NRCAM: variants seen among roughly 807,000 people sequenced by gnomAD.
NRCAM encodes neuronal cell adhesion molecule, also known as NgCAM-related cell adhesion molecule.
NRCAM carries 83 observed loss-of-function variants against 156.5 expected under a neutral mutation model. The ratio of observed to expected loss-of-function variants is 0.53; its 90% CI spans 0.44 to 0.64. The LOEUF is 0.64. Ranked by LOEUF, NRCAM falls within the 30% of genes least tolerant of loss-of-function variation. NRCAM has a pLI of 0.00. For missense variants in NRCAM, 1,417 were observed against 1,597.3 expected, an observed-to-expected ratio of 0.89 and a Z score of 1.92; for synonymous variants, 538 against 563.9, an observed-to-expected ratio of 0.95 and a Z score of 0.65.
chr7:108,340,135 C>A (rs985575429), intron 2 of NRCAM, among the ~76,000 whole-genome samples: 1 of 152,164 alleles, frequency 6.6e-6, no homozygotes, highest in South Asian at 2.1e-4. Flanking sequence ...TACCTCCCTA[C>A]CCCGGCATCC....
chr7:108,258,743 C>T lies in NRCAM; in HGVS notation c.-106-18573G>A, dbSNP rs117296207. On this transcript the variant is annotated intron_variant, in intron 3 of 32. Coordinates refer to ENST00000379028, the MANE Select transcript of NRCAM (RefSeq NM_001037132.4). The stretch of plus-strand genomic sequence containing the variant: ...AATGAGCATAGCGATGTGGCAGGAG[C>T]TTAGTGGACCCTTAGTAAATGGTGA... 6.4e-4 allele frequency among the ~76,000 whole-genome samples: 98 copies of T among 152,280 alleles called. 2 individuals are homozygous for T. The East Asian group carries it at 0.017, about 26-fold the overall frequency.
chr7:108,237,769 G>A lies in NRCAM; in HGVS notation c.107C>T (p.Pro36Leu), dbSNP rs767362911. ...ACACTTACAGTCTTCAAGAAGTTTT[G>A]CTTTTTCCCCATCAATATCAGCAGG... ...MISALEVPLD[P>L]KLLEDLVQPP... Residue 36 changes from proline (P) to leucine (L), a missense_variant and splice_region_variant, in exon 5 of 33, where the codon CCA (proline) becomes CTA (leucine). Transcript: ENST00000379028. 6.3e-7 allele frequency: 1 copy of A among 1,594,582 alleles called. No individual in the cohort carries two copies. Among genetic ancestry groups the A allele is most frequent in the South Asian group, 1.2e-5 (1 of 86,148 alleles).
At chr7:108,226,464 G>C in intron 8 of NRCAM, 86 bp from the exon 9 acceptor site, 2 of 867,652 alleles carry the variant, frequency 2.3e-6, no homozygotes, top group Admixed American at 2.3e-5. Context: ...CCTACTAATA[G>C]GTCTGTGAAC....
intron 3 of NRCAM, among the ~76,000 whole-genome samples, chr7:108,263,698 A>G (rs974261224): frequency 9.9e-5 from 15 of 152,212 alleles, no homozygotes; most frequent in African/African-American, 3.4e-4. Context: ...CACTCCACAG[A>G]GCCTGGCTCA....
chr7:108,436,231 G>A (rs184544396), intron 1 of NRCAM, among the ~76,000 whole-genome samples: 4 of 141,352 alleles, frequency 2.8e-5, no homozygotes, highest in African/African-American at 1.0e-4. Flanking sequence ...GGGCTACAGA[G>A]ATTAAAAGAT....
At chr7:108,337,719 G>GGCTTGCCACCATCTTGGAAGCA (rs2099215590) in intron 2 of NRCAM, among the ~76,000 whole-genome samples, 3 of 151,766 alleles carry the variant, frequency 2.0e-5, no homozygotes, top group Non-Finnish European at 2.9e-5. Context: ...GAGAACACGA[G>GGCTTGCCACCATCTTGGAAGCA]GCTTGCCACC....
At chr7:108,299,148 G>GGA (rs1563165051) in intron 3 of NRCAM, among the ~76,000 whole-genome samples, 1 of 56,230 alleles carries the variant, frequency 1.8e-5, no homozygotes. Flanking sequence ...GAAAAGAAAA[G>GGA]TAAAAAAAAA....
Position 108,176,512 on chromosome 7 carries a change from T to C in NRCAM, c.3069A>G (p.Arg1023=). 1 of 1,613,732 alleles carries C rather than the reference T, an allele frequency of 6.2e-7. No individual in the cohort carries two copies. Among genetic ancestry groups the C allele is most frequent in the Non-Finnish European group, 8.5e-7 (1 of 1,179,832 alleles). Reference sequence around the variant, plus strand: ...TTTGTGCATAGAAATAAAACTTATATCGAGTGCTGAAATTTAAATTTTTTA... The same window carrying C: ...TTTGTGCATAGAAATAAAACTTATACCGAGTGCTGAAATTTAAATTTTTTA... The part of the protein sequence containing the change: ...WTLKNLNFST[R]YKFYFYAQTS... The change falls in exon 27 of 33, where the codon CGA becomes CGG. Residue 1023 remains arginine (R), a synonymous_variant. Coordinates refer to ENST00000379028, the MANE Select transcript of NRCAM (RefSeq NM_001037132.4).
intron 1 of NRCAM, among the ~76,000 whole-genome samples, chr7:108,454,984 C>T (rs1009666784): frequency 6.6e-6 from 1 of 152,192 alleles, no homozygotes; most frequent in African/African-American, 2.4e-5. Flanking sequence ...CGCCACCGCT[C>T]GGCGCCCTCC....
At position 108,252,828 on chromosome 7, in the gene NRCAM, G is replaced by A. The variant is rs375493972; in HGVS notation, c.-106-12658C>T. Among the ~76,000 whole-genome samples, 11 of 152,356 alleles carry A rather than the reference G, an allele frequency of 7.2e-5. No individual in the cohort carries two copies. In the South Asian group the frequency reaches 1.9e-3, roughly 26 times the overall value. On this transcript the variant is annotated intron_variant, in intron 3 of 32. Coordinates refer to ENST00000379028, the MANE Select transcript of NRCAM (RefSeq NM_001037132.4). ...TGAGAGCAAGGGTATGGATGGAGACGAGCTGTTCTCTAAACATTTCTGCGA... is the reference window on the plus strand; with the variant it reads ...TGAGAGCAAGGGTATGGATGGAGACAAGCTGTTCTCTAAACATTTCTGCGA...
intron 2 of NRCAM, among the ~76,000 whole-genome samples, chr7:108,371,502 GAT>G (rs1176836826): frequency 1.3e-5 from 2 of 152,050 alleles, no homozygotes; most frequent in African/African-American, 4.8e-5. Context: ...AGAGGGAGAT[GAT>G]ATGTTTTCTT....
At chr7:108,167,870 G>C (rs761200287) in intron 29 of NRCAM, among the ~76,000 whole-genome samples, 21 of 152,132 alleles carry the variant, frequency 1.4e-4, no homozygotes, top group Admixed American at 2.0e-4. Flanking sequence ...GGGCTAGTCA[G>C]GGCAAAATGA....
At chr7:108,363,244 C>T (rs1205871543) in intron 2 of NRCAM, among the ~76,000 whole-genome samples, 2 of 152,126 alleles carry the variant, frequency 1.3e-5, no homozygotes, top group Non-Finnish European at 2.9e-5. Context: ...TATGCAGATA[C>T]TCCACCCTCA....
chr7:108,320,019 T>C (rs961639389), intron 2 of NRCAM, among the ~76,000 whole-genome samples: 1 of 152,152 alleles, frequency 6.6e-6, no homozygotes. Context: ...CAACTGAAAA[T>C]GAAGGCAAGA....
intron 2 of NRCAM, among the ~76,000 whole-genome samples, chr7:108,387,812 G>T (rs957869585): frequency 1.3e-5 from 2 of 150,738 alleles, no homozygotes; most frequent in African/African-American, 4.9e-5. Context: ...TGCAGTGTTT[G>T]GTTTTCTGTC....
chr7:108,371,314 T>G (rs1211154292), intron 2 of NRCAM, among the ~76,000 whole-genome samples: 1 of 152,210 alleles, frequency 6.6e-6, no homozygotes, highest in East Asian at 1.9e-4. Context: ...TCTTGGAGAA[T>G]GTGGGGACAG....
At chr7:108,333,584 T>C (rs898136372) in intron 2 of NRCAM, among the ~76,000 whole-genome samples, 2 of 152,216 alleles carry the variant, frequency 1.3e-5, no homozygotes, top group Non-Finnish European at 2.9e-5. Context: ...TTGTCTTTTA[T>C]AACAGTTGTT....
chr7:108,347,077 G>A (rs1442495047), intron 2 of NRCAM, among the ~76,000 whole-genome samples: 6 of 110,288 alleles, frequency 5.4e-5, no homozygotes, highest in Admixed American at 1.4e-4. Context: ...TTGCTCTGTC[G>A]CCCAGGCTGG....
At chr7:108,389,212 G>A (rs368687531) in intron 2 of NRCAM, among the ~76,000 whole-genome samples, 2 of 152,136 alleles carry the variant, frequency 1.3e-5, no homozygotes, top group African/African-American at 2.4e-5. Flanking sequence ...TCTTCCATTT[G>A]TTTGTGTCCT....
Sources: gnomAD v4.1 joint callset for allele counts (sites outside exome capture counted in the v4.1 genomes callset) on GRCh38, gnomAD v4.1.1 for gene constraint, MANE v1.5 for transcripts, NCBI Gene and HGNC (gene_info 2026-07-23, HGNC 2026-07-21) for gene names.